Variants in ETFBKMT observed in about 807,000 individuals in gnomAD.
The protein encoded by ETFBKMT is electron transfer flavoprotein beta subunit lysine methyltransferase.
ETFBKMT carries 13 observed loss-of-function variants against 18.3 expected under a neutral mutation model. The observed-to-expected ratio is 0.71, with a 90% CI of 0.46 to 1.13. The LOEUF is 1.13. ETFBKMT is among the 50% of genes most tolerant of loss of function. ETFBKMT has a pLI of 0.00. For synonymous variants in ETFBKMT, 84 were observed against 107.9 expected (o/e 0.78, Z 1.37); for missense variants, 293 against 306.2 (o/e 0.96, Z 0.32).
intron 1 of ETFBKMT, among the ~76,000 whole-genome samples, chr12:31,649,722 G>A (rs1252266005): frequency 6.6e-6 from 1 of 151,340 alleles, no homozygotes. Context: ...GAGCACCCAT[G>A]AAAGATGGTG....
intron 1 of ETFBKMT, among the ~76,000 whole-genome samples, chr12:31,652,339 CG>C (rs1487868973): frequency 2.0e-5 from 3 of 152,148 alleles, no homozygotes; most frequent in East Asian, 3.9e-4. Context: ...CGACAAACCC[CG>C]GGTTTATACC....
intron 2 of ETFBKMT, among the ~76,000 whole-genome samples, chr12:31,664,268 G>A (rs1951165395): frequency 1.3e-5 from 2 of 151,930 alleles, no homozygotes; most frequent in Non-Finnish European, 1.5e-5. Context: ...TTCCTTGGTT[G>A]AATTGGACTT....
At chr12:31,665,855 C>T (rs532319547) in intron 2 of ETFBKMT, among the ~76,000 whole-genome samples, 3 of 152,228 alleles carry the variant, frequency 2.0e-5, no homozygotes, top group South Asian at 2.1e-4. Flanking sequence ...GGTTTAAGAA[C>T]GCCTTTAAGC....
At chr12:31,667,076 C>T (rs572965632) in intron 3 of ETFBKMT, among the ~76,000 whole-genome samples, 4 of 151,192 alleles carry the variant, frequency 2.6e-5, no homozygotes, top group Non-Finnish European at 4.4e-5. Flanking sequence ...CTCACTGCAA[C>T]CTCCACCTCG....
chr12:31,651,081 A>G (rs922817894), intron 1 of ETFBKMT, among the ~76,000 whole-genome samples: 7 of 152,162 alleles, frequency 4.6e-5, no homozygotes, highest in African/African-American at 1.7e-4. Flanking sequence ...CTTAAGTATG[A>G]TAACATCAAG....
chr12:31,661,951 C>A lies in ETFBKMT; in HGVS notation c.-3C>A, dbSNP rs1479654279. On this transcript the variant is annotated 5_prime_UTR_variant, in exon 2 of 4. In the 5' UTR this introduces an upstream ATG that the reference lacks. Coordinates refer to ENST00000357721, the MANE Select transcript of ETFBKMT (RefSeq NM_001135863.2). ...ACAGAACCTGTGTTTGGGGAAAGGACTGATGGCTTTGAGTCTAGGTTGGAA... is the reference window on the plus strand; with the variant it reads ...ACAGAACCTGTGTTTGGGGAAAGGAATGATGGCTTTGAGTCTAGGTTGGAA... 6.2e-7 allele frequency: 1 copy of A among 1,612,892 alleles called. No individual in the cohort carries two copies. The highest frequency in any genetic ancestry group is 1.1e-5 in the South Asian group (1 of 91,056).
chr12:31,648,989 T>TG (rs1273246386), intron 1 of ETFBKMT, among the ~76,000 whole-genome samples: 2 of 151,268 alleles, frequency 1.3e-5, no homozygotes, highest in Admixed American at 1.3e-4. Context: ...TAGTTGTATT[T>TG]TTTTTGGAGA....
At chr12:31,657,366 T>C (rs753648499), upstream of ETFBKMT, among the ~76,000 whole-genome samples, 3 of 152,198 alleles carry the variant, frequency 2.0e-5, no homozygotes, top group African/African-American at 4.8e-5. Flanking sequence ...TTACAATGCA[T>C]CAACACCAAA....
chr12:31,671,606 T>C lies in ETFBKMT; in HGVS notation c.*3616T>C, dbSNP rs899513312. 2 of 152,328 alleles carry C rather than the reference T, an allele frequency of 1.3e-5. No homozygotes were observed. Among genetic ancestry groups the C allele is most frequent in the African/African-American group, 4.8e-5 (2 of 41,580 alleles). 9.4% of individuals were successfully genotyped at this position (152,328 alleles called of 1,614,324 possible). A position where few individuals can be genotyped will look rare whatever the true frequency, so the allele number is the denominator to read the frequency against. ...TGTAGTGATATTCTGTATTTACTCA[T>C]TTTTACACATTTTTGAATGCAATTT... On this transcript the variant is annotated 3_prime_UTR_variant, in exon 4 of 4. Coordinates refer to ENST00000357721, the MANE Select transcript of ETFBKMT (RefSeq NM_001135863.2).
chr12:31,647,182 T>G (rs572822366), exon 1 of ETFBKMT: 1 of 152,500 alleles, frequency 6.6e-6, no homozygotes, highest in African/African-American at 2.4e-5. Flanking sequence ...TCCAAGCCTC[T>G]AAGCCTCACA....
rs1203902493 is a variant in ETFBKMT at position 31,667,018 on chromosome 12, A to G, written c.446-629A>G. ...TTTTTTCTTTTTTTTTTTTTGATACAGAGTCTCACTCTATTGCCCAGGCTG... is the reference window on the plus strand; with the variant it reads ...TTTTTTCTTTTTTTTTTTTTGATACGGAGTCTCACTCTATTGCCCAGGCTG... On this transcript the variant is annotated intron_variant, in intron 3 of 3. Transcript: ENST00000357721. 3.4e-5 allele frequency among the ~76,000 whole-genome samples: 5 copies of G among 146,682 alleles called. No homozygotes were observed. In the South Asian group the frequency reaches 6.5e-4, roughly 19 times the overall value.
At chr12:31,652,869 C>A (rs1331699000) in intron 1 of ETFBKMT, among the ~76,000 whole-genome samples, 1 of 152,216 alleles carries the variant, frequency 6.6e-6, no homozygotes, top group African/African-American at 2.4e-5. Context: ...TAAGCCTGAA[C>A]TATTTATGAC....
At chr12:31,664,505 C>A (rs1287917244) in intron 2 of ETFBKMT, among the ~76,000 whole-genome samples, 1 of 152,124 alleles carries the variant, frequency 6.6e-6, no homozygotes, top group Non-Finnish European at 1.5e-5. Flanking sequence ...GAGTCTCAAC[C>A]AGTCAAGGTT....
chr12:31,650,693 G>A (rs1951009963), intron 1 of ETFBKMT, among the ~76,000 whole-genome samples: 1 of 148,560 alleles, frequency 6.7e-6, no homozygotes, highest in South Asian at 2.2e-4. Flanking sequence ...GAAGCAAGGA[G>A]GGATAAGGAG....
chr12:31,657,941 G>A (rs1244996851), upstream of ETFBKMT, among the ~76,000 whole-genome samples: 1 of 152,168 alleles, frequency 6.6e-6, no homozygotes, highest in Non-Finnish European at 1.5e-5. Flanking sequence ...AATCCATTAT[G>A]GGACAGGAAA....
chr12:31,663,212 C>G (rs1951150514), intron 2 of ETFBKMT, among the ~76,000 whole-genome samples: 1 of 152,076 alleles, frequency 6.6e-6, no homozygotes, highest in Non-Finnish European at 1.5e-5. Flanking sequence ...CCTGCCTCAC[C>G]CTCCTGAGTA....
Position 31,665,574 on chromosome 12 carries a change from G to A in ETFBKMT, c.315-513G>A, listed in dbSNP as rs191602534. ...AGACCCTAACCCAGTGACACTAGAG[G>A]AATTAAAGATACACACACAGAAATG... is the stretch of plus-strand genomic sequence containing the variant. On this transcript the variant is annotated intron_variant, in intron 2 of 3. Transcript: ENST00000357721. 7.7e-3 allele frequency among the ~76,000 whole-genome samples: 1,171 copies of A among 152,210 alleles called. 7 individuals are homozygous for A. The highest frequency in any genetic ancestry group is 0.013 in the Non-Finnish European group (870 of 68,012).
chr12:31,658,562 G>A (rs1319119749), upstream of ETFBKMT, among the ~76,000 whole-genome samples: 1 of 152,172 alleles, frequency 6.6e-6, no homozygotes, highest in Non-Finnish European at 1.5e-5. Flanking sequence ...TGGCAGGAGC[G>A]CAGAACCCAA....
chr12:31,651,446 C>G (rs377159162), intron 1 of ETFBKMT, among the ~76,000 whole-genome samples: 3 of 152,138 alleles, frequency 2.0e-5, no homozygotes, highest in East Asian at 1.9e-4. Flanking sequence ...TCTCTAGCCT[C>G]AGCCTCCCGA....
Sources: gnomAD v4.1 joint callset for allele counts (sites outside exome capture counted in the v4.1 genomes callset) on GRCh38, gnomAD v4.1.1 for gene constraint, MANE v1.5 for transcripts, NCBI Gene and HGNC (gene_info 2026-07-23, HGNC 2026-07-21) for gene names.